Variants in RBFOX1 observed in about 807,000 individuals in gnomAD.
RBFOX1 encodes the protein RNA binding protein fox-1 homolog 1.
In RBFOX1, 8 loss-of-function variants were observed where a neutral mutation model predicts 57.7. The ratio of observed to expected loss-of-function variants is 0.14; its 90% confidence interval spans 0.08 to 0.25. The LOEUF (loss-of-function observed/expected upper bound fraction) is 0.25, where lower values mean the gene tolerates loss of function less well. Among genes scored for constraint, RBFOX1 ranks in the 10% least tolerant of loss-of-function variants. RBFOX1 has a pLI of 1.00. For synonymous variants in RBFOX1, 326 were observed against 222.4 expected (o/e 1.47, Z -4.15); for missense variants, 611 against 548.5 (o/e 1.11, Z -1.14).
At chr16:5,875,100 A>T (rs2057570729) in intron 4 of RBFOX1, among the ~76,000 whole-genome samples, 1 of 152,220 alleles carries the variant, frequency 6.6e-6, no homozygotes, top group East Asian at 1.9e-4. Flanking sequence ...TAGCGGGGAG[A>T]TGAGTAAGAA....
chr16:5,556,860 A>G (rs1214023131), intron 2 of RBFOX1, among the ~76,000 whole-genome samples: 1 of 152,220 alleles, frequency 6.6e-6, no homozygotes, highest in Non-Finnish European at 1.5e-5. Flanking sequence ...CCTGTCATTG[A>G]CACACAGTTT....
intron 4 of RBFOX1, among the ~76,000 whole-genome samples, chr16:7,375,991 C>G (rs576679020): frequency 6.6e-6 from 1 of 152,316 alleles, no homozygotes; most frequent in African/African-American, 2.4e-5. Context: ...CCCTATCCCA[C>G]AAGCCAGGGA....
rs1223385247 is a variant in RBFOX1, at chr16:6,883,339, A to C, written c.-15-168718A>C. Among the ~76,000 whole-genome samples, 4 of 152,308 alleles carry C rather than the reference A, an allele frequency of 2.6e-5. No individual in the cohort carries two copies. The East Asian group carries it at 5.8e-4, about 22-fold the overall frequency. ...GGGAATTTGAATGAGTTAATAAGGC[A>C]GATCTGTTTGTAAAAGAGTATAATC... is the stretch of plus-strand genomic sequence containing the variant. On this transcript the variant is annotated intron_variant, in intron 3 of 15. Coordinates refer to ENST00000550418, the MANE Select transcript of RBFOX1 (RefSeq NM_018723.4).
At chr16:7,490,890 C>G (rs942948176) in intron 4 of RBFOX1, among the ~76,000 whole-genome samples, 1 of 152,152 alleles carries the variant, frequency 6.6e-6, no homozygotes, top group East Asian at 1.9e-4. Context: ...ATTAGGGTGT[C>G]TTTATCAGCC....
intron 4 of RBFOX1, among the ~76,000 whole-genome samples, chr16:7,065,941 C>T (rs1337554238): frequency 1.3e-5 from 2 of 152,046 alleles, no homozygotes; most frequent in African/African-American, 4.8e-5. Flanking sequence ...ATGTGTTTTT[C>T]CCCCACAGTA....
chr16:6,997,957 G>T (rs1351183), intron 3 of RBFOX1, among the ~76,000 whole-genome samples: 118,028 of 151,882 alleles, frequency 0.78, 46,248 homozygotes, highest in East Asian at 0.98. Flanking sequence ...ATTATATTTC[G>T]TAATCATTTA....
At chr16:7,218,661 T>TGTGA in intron 4 of RBFOX1, among the ~76,000 whole-genome samples, 1 of 149,744 alleles carries the variant, frequency 6.7e-6, no homozygotes, top group South Asian at 2.1e-4. Flanking sequence ...TGTGTGTGTG[T>TGTGA]GTGTGTGTGT....
chr16:5,624,739 G>T (rs2048300155), intron 3 of RBFOX1, among the ~76,000 whole-genome samples: 1 of 152,254 alleles, frequency 6.6e-6, no homozygotes, highest in African/African-American at 2.4e-5. Flanking sequence ...ACCAATGCGG[G>T]GTGACAGGTC....
At chr16:7,288,144 G>T (rs1482862986) in intron 4 of RBFOX1, among the ~76,000 whole-genome samples, 1 of 152,100 alleles carries the variant, frequency 6.6e-6, no homozygotes, top group African/African-American at 2.4e-5. Flanking sequence ...TCCTAGAGTG[G>T]TTTAAGATAC....
intron 4 of RBFOX1, among the ~76,000 whole-genome samples, chr16:7,184,930 G>A (rs1299064240): frequency 6.6e-6 from 1 of 152,124 alleles, no homozygotes; most frequent in Non-Finnish European, 1.5e-5. Flanking sequence ...GGTGCCCAAA[G>A]TACGTTTGAT....
intron 1 of RBFOX1, among the ~76,000 whole-genome samples, chr16:6,085,619 G>A (rs1282991132): frequency 6.6e-6 from 1 of 151,746 alleles, no homozygotes; most frequent in Non-Finnish European, 1.5e-5. Context: ...CTGATGACCT[G>A]AAGGCAGGCA....
intron 4 of RBFOX1, among the ~76,000 whole-genome samples, chr16:7,368,281 A>G (rs1256113132): frequency 1.3e-5 from 2 of 149,204 alleles, no homozygotes; most frequent in East Asian, 2.0e-4. Context: ...AAAAAAAAAG[A>G]GAGAGAAGAA....
At chr16:6,105,026 C>G (rs2096361758) in intron 1 of RBFOX1, among the ~76,000 whole-genome samples, 1 of 152,148 alleles carries the variant, frequency 6.6e-6, no homozygotes, top group Non-Finnish European at 1.5e-5. Flanking sequence ...TTTGTTGCTT[C>G]TTAGATTTGC....
At chr16:5,581,072 G>T (rs1314374569) in intron 2 of RBFOX1, among the ~76,000 whole-genome samples, 1 of 152,200 alleles carries the variant, frequency 6.6e-6, no homozygotes, top group Admixed American at 6.5e-5. Flanking sequence ...TGTCTTCTTA[G>T]GTAAATGCAA....
intron 4 of RBFOX1, among the ~76,000 whole-genome samples, chr16:7,082,546 AGT>A (rs1293922346): frequency 6.6e-6 from 1 of 151,510 alleles, no homozygotes; most frequent in Non-Finnish European, 1.5e-5. Flanking sequence ...TGGGTGACAG[AGT>A]GAGACCATGT....
In RBFOX1 at chr16:6,436,657, T is replaced by C. The variant is rs2094244599; in HGVS notation, c.-64+119600T>C. The stretch of plus-strand genomic sequence containing the variant: ...CTGTCTTTATAATTAATTAATTTGT[T>C]GATGATTTTTCTGTCAATACCCCAA... On this transcript the variant is annotated intron_variant, in intron 2 of 15. Transcript: ENST00000550418. Among the ~76,000 whole-genome samples the C allele has an allele frequency of 1.3e-5, 2 of 152,200 alleles. 1 individual carries two copies. Among genetic ancestry groups the C allele is most frequent in the South Asian group, 4.1e-4 (2 of 4,826 alleles).
intron 3 of RBFOX1, among the ~76,000 whole-genome samples, chr16:5,680,609 G>C (rs2050303489): frequency 6.6e-6 from 1 of 152,196 alleles, no homozygotes; most frequent in African/African-American, 2.4e-5. Context: ...GTCATAAGTA[G>C]AAGTGGCTGT....
chr16:6,001,801 AC>A (rs1368965537), intron 4 of RBFOX1, among the ~76,000 whole-genome samples: 2 of 152,120 alleles, frequency 1.3e-5, no homozygotes, highest in Non-Finnish European at 2.9e-5. Flanking sequence ...TGCACAGATG[AC>A]TAAAGCCTGG....
At chr16:6,870,007 C>T (rs541124834) in intron 3 of RBFOX1, among the ~76,000 whole-genome samples, 1 of 152,160 alleles carries the variant, frequency 6.6e-6, no homozygotes, top group Non-Finnish European at 1.5e-5. Flanking sequence ...TACGTTGATG[C>T]TGTGAGATCT....
Sources: gnomAD v4.1 joint callset for allele counts (sites outside exome capture counted in the v4.1 genomes callset) on GRCh38, gnomAD v4.1.1 for gene constraint, MANE v1.5 for transcripts, NCBI Gene and HGNC (gene_info 2026-07-23, HGNC 2026-07-21) for gene names.